Variants in TSPAN9 observed in about 807,000 individuals in gnomAD.
TSPAN9 encodes the protein tetraspanin-9.
TSPAN9 carries 16 observed loss-of-function variants against 31.0 expected under a neutral mutation model. That is an observed-to-expected ratio of 0.52 (90% CI 0.35 to 0.78). TSPAN9 has a LOEUF of 0.78. Ranked by LOEUF, TSPAN9 falls within the 30% of genes least tolerant of loss-of-function variation. The probability of loss-of-function intolerance (pLI) is 0.01; values close to 1 mark genes in which losing one functional copy is unlikely to be tolerated. For synonymous variants in TSPAN9, 145 were observed against 121.6 expected (o/e 1.19, Z -1.27); for missense variants, 272 against 312.5 (o/e 0.87, Z 0.98).
intron 2 of TSPAN9, among the ~76,000 whole-genome samples, chr12:3,153,741 GCTGT>G (rs2098340966): frequency 6.6e-6 from 1 of 150,630 alleles, no homozygotes; most frequent in African/African-American, 2.5e-5. Flanking sequence ...TCTCTGTCTA[GCTGT>G]CTGTTTCGCT....
intron 2 of TSPAN9, among the ~76,000 whole-genome samples, chr12:3,195,687 C>T (rs781250455): frequency 6.6e-6 from 1 of 152,180 alleles, no homozygotes; most frequent in African/African-American, 2.4e-5. Context: ...AGTGCCAGGC[C>T]CAGCTTCCTA....
intron 3 of TSPAN9, chr12:3,215,149 C>G (rs1216691158): frequency 6.6e-6 from 1 of 152,310 alleles, no homozygotes; most frequent in East Asian, 1.9e-4. Context: ...TGTGTGGATT[C>G]AAGAACCTGT....
chr12:3,227,885 T>C (rs10774131), intron 3 of TSPAN9, among the ~76,000 whole-genome samples: 151,700 of 152,278 alleles, frequency 1, 75,565 homozygotes, highest in East Asian at 1. Context: ...GTTATAATAA[T>C]GATCTAACGA....
intron 3 of TSPAN9, among the ~76,000 whole-genome samples, chr12:3,253,862 C>T (rs1862298507): frequency 6.6e-6 from 1 of 152,210 alleles, no homozygotes; most frequent in South Asian, 2.1e-4. Context: ...ATCAGCAGCA[C>T]CTGTGGATGT....
At chr12:3,113,246 A>C (rs1184640601) in intron 2 of TSPAN9, among the ~76,000 whole-genome samples, 1 of 151,968 alleles carries the variant, frequency 6.6e-6, no homozygotes, top group African/African-American at 2.4e-5. Context: ...GCTGTAAAAG[A>C]GGGCATGTGT....
At chr12:3,171,126 G>A (rs559398135) in intron 2 of TSPAN9, among the ~76,000 whole-genome samples, 92 of 152,166 alleles carry the variant, frequency 6.0e-4, no homozygotes, top group African/African-American at 2.0e-3. Flanking sequence ...GTCCCGACGC[G>A]CGCCGAGACC....
intron 3 of TSPAN9, among the ~76,000 whole-genome samples, chr12:3,224,713 G>T (rs1274029745): frequency 1.3e-5 from 2 of 152,264 alleles, no homozygotes; most frequent in African/African-American, 2.4e-5. Context: ...CTGCGCCAGG[G>T]TGGCCGCGTG....
intron 2 of TSPAN9, among the ~76,000 whole-genome samples, chr12:3,159,889 G>A (rs1277607021): frequency 6.6e-6 from 1 of 152,190 alleles, no homozygotes; most frequent in Non-Finnish European, 1.5e-5. Context: ...ATAAACTTCT[G>A]TTGTTTAAGC....
In TSPAN9 at chr12:3,280,238, TGGGCAGGG is replaced by T; in HGVS notation, c.331-143_331-136del. The T allele has an allele frequency of 1.4e-6, 1 of 690,420 alleles. No individual in the cohort carries two copies. The allele number at this position is 690,420 out of a possible 1,614,324, so 42.8% of individuals were successfully genotyped here. On this transcript the variant is annotated intron_variant, in intron 5 of 8. Coordinates refer to ENST00000011898, the MANE Select transcript of TSPAN9 (RefSeq NM_006675.5). The surrounding 1 kb of genome is among the most constrained non-coding windows in gnomAD (Gnocchi z 4.5). ...GGGCCAGCAGAGGCCCCCACCCCAG[TGGGCAGGG>T]CCTTCCAGACCAGCTGCCTTCCCTG...
intron 2 of TSPAN9, among the ~76,000 whole-genome samples, chr12:3,141,763 G>GGCCACCCATGCTTAGTC (rs2098334970): frequency 6.6e-6 from 1 of 152,106 alleles, no homozygotes; most frequent in Non-Finnish European, 1.5e-5. Flanking sequence ...TCTGAGTTGG[G>GGCCACCCATGCTTAGTC]GCCACCCATG....
intron 2 of TSPAN9, among the ~76,000 whole-genome samples, chr12:3,109,286 G>GTGTGTGTGTGTGTGTGTGTGTA (rs1565578933): frequency 7.6e-6 from 1 of 131,674 alleles, no homozygotes; most frequent in African/African-American, 3.5e-5. Context: ...GTGTGTGTGT[G>GTGTGTGTGTGTGTGTGTGTGTA]TGTGTGTGTG....
chr12:3,077,626 G>A (rs2335340), intron 1 of TSPAN9, among the ~76,000 whole-genome samples, 173 bp downstream of exon 1: 86,047 of 150,828 alleles, frequency 0.57, 28,123 homozygotes, highest in Non-Finnish European at 0.71. Flanking sequence ...TGGGACGAGA[G>A]GACGAGGAAC....
intron 3 of TSPAN9, among the ~76,000 whole-genome samples, chr12:3,276,030 G>GTATGAGTCGTCCCCAGCTC (rs1469889626): frequency 2.0e-5 from 3 of 152,190 alleles, no homozygotes; most frequent in Non-Finnish European, 4.4e-5. Context: ...TAGCCTCCTG[G>GTATGAGTCGTCCCCAGCTC]TATGAGTCGT....
At chr12:3,229,288 A>G (rs1477892915) in intron 3 of TSPAN9, among the ~76,000 whole-genome samples, 1 of 152,202 alleles carries the variant, frequency 6.6e-6, no homozygotes, top group Non-Finnish European at 1.5e-5. Flanking sequence ...GGCAGCAAAT[A>G]GAATCAAGAA....
chr12:3,265,655 C>T (rs151316899), intron 3 of TSPAN9, among the ~76,000 whole-genome samples: 2,175 of 152,284 alleles, frequency 0.014, 25 homozygotes, highest in Middle Eastern at 0.041. Flanking sequence ...CCCCTCCTTT[C>T]CCCACGCCAC....
chr12:3,270,109 C>T (rs534980691), intron 3 of TSPAN9, among the ~76,000 whole-genome samples: 1 of 152,148 alleles, frequency 6.6e-6, no homozygotes, highest in African/African-American at 2.4e-5. Flanking sequence ...TTCGGCCCTA[C>T]ACCGGGCCCC....
chr12:3,133,689 G>A (rs2098330819), intron 2 of TSPAN9, among the ~76,000 whole-genome samples: 1 of 152,156 alleles, frequency 6.6e-6, no homozygotes, highest in Admixed American at 6.5e-5. Flanking sequence ...TTTCTCCCCA[G>A]GTGGCTCTGC....
chr12:3,116,834 C>T (rs1341172276), intron 2 of TSPAN9, among the ~76,000 whole-genome samples: 1 of 152,148 alleles, frequency 6.6e-6, no homozygotes, highest in African/African-American at 2.4e-5. Flanking sequence ...GTTCCATCAG[C>T]TGTTTCTCAG....
intron 2 of TSPAN9, among the ~76,000 whole-genome samples, chr12:3,125,411 T>C (rs1462841041): frequency 6.6e-6 from 1 of 152,156 alleles, no homozygotes; most frequent in Non-Finnish European, 1.5e-5. Context: ...GGCCTCTGCA[T>C]TGGAGTTCCT....
Sources: allele counts gnomAD v4.1 joint callset (sites outside exome capture counted in the v4.1 genomes callset), GRCh38; gene constraint gnomAD v4.1.1; non-coding constraint Gnocchi (gnomAD v3.1); transcripts MANE v1.5; gene names NCBI Gene and HGNC (gene_info 2026-07-23, HGNC 2026-07-21).